The following EPB41L4A variants were observed in gnomAD, a reference collection of about 807,000 sequenced individuals.
EPB41L4A encodes the protein erythrocyte membrane protein band 4.1 like 4A.
Under a neutral mutation model 108.6 loss-of-function variants are expected in EPB41L4A, and 100 were observed. The ratio of observed to expected loss-of-function variants is 0.92; its 90% CI spans 0.78 to 1.09. The LOEUF (loss-of-function observed/expected upper bound fraction) is 1.09, where lower values mean the gene tolerates loss of function less well. EPB41L4A is among the 50% of genes least tolerant of loss of function. The pLI is 0.00. For synonymous variants in EPB41L4A, 319 were observed against 289.0 expected (o/e 1.10, Z -1.05); for missense variants, 1,030 against 842.7 (o/e 1.22, Z -2.75).
chr5:112,377,341 G>T (rs368947800), intron 1 of EPB41L4A, among the ~76,000 whole-genome samples: 22 of 152,126 alleles, frequency 1.4e-4, no homozygotes, highest in East Asian at 7.7e-4. Context: ...AGTTACCATT[G>T]AGGGAAACTG....
chr5:112,220,635 A>T (rs188216173), intron 12 of EPB41L4A, among the ~76,000 whole-genome samples: 3 of 152,186 alleles, frequency 2.0e-5, no homozygotes, highest in African/African-American at 7.2e-5. Flanking sequence ...TGCCCTCCCC[A>T]CCTGACTCAG....
At chr5:112,318,984 T>C (rs1427816247) in intron 1 of EPB41L4A, among the ~76,000 whole-genome samples, 1 of 152,164 alleles carries the variant, frequency 6.6e-6, no homozygotes, top group Non-Finnish European at 1.5e-5. Context: ...CCCCAGGTAT[T>C]GTCACATTAG....
chr5:112,222,352 C>T (rs1269963942), intron 12 of EPB41L4A, among the ~76,000 whole-genome samples: 3 of 152,132 alleles, frequency 2.0e-5, no homozygotes, highest in African/African-American at 7.2e-5. Flanking sequence ...CCTGGCTTTG[C>T]GCTTACTGCC....
intron 1 of EPB41L4A, among the ~76,000 whole-genome samples, chr5:112,364,433 G>T (rs907297630): frequency 6.6e-6 from 1 of 152,064 alleles, no homozygotes; most frequent in African/African-American, 2.4e-5. Context: ...TGGAATTGCT[G>T]TGAGTATTAA....
chr5:112,174,233 C>CATCTG (rs1760748966), intron 18 of EPB41L4A, among the ~76,000 whole-genome samples: 1 of 152,222 alleles, frequency 6.6e-6, no homozygotes, highest in Non-Finnish European at 1.5e-5. Flanking sequence ...TTTATGCTTA[C>CATCTG]ATCTGCACAC....
chr5:112,389,693 A>C (rs931028279), intron 1 of EPB41L4A, among the ~76,000 whole-genome samples: 7 of 152,096 alleles, frequency 4.6e-5, no homozygotes, highest in African/African-American at 1.7e-4. Flanking sequence ...CCTCTGCCCC[A>C]CTCATTGGAA....
intron 8 of EPB41L4A, 34 bp from the exon 9 acceptor site, chr5:112,259,326 T>C: frequency 6.3e-7 from 1 of 1,583,718 alleles, no homozygotes; most frequent in Non-Finnish European, 8.7e-7. Context: ...TGCTGCTGTT[T>C]TTAAGTATTA....
At chr5:112,257,038 CCAG>C (rs1751147684) in intron 9 of EPB41L4A, 1 of 152,132 alleles carries the variant, frequency 6.6e-6, no homozygotes, top group South Asian at 2.1e-4. Flanking sequence ...GACCAGCAAA[CCAG>C]CAGAATAAGC....
intron 17 of EPB41L4A, among the ~76,000 whole-genome samples, chr5:112,187,708 T>A (rs1000582841): frequency 1.3e-5 from 2 of 152,216 alleles, no homozygotes; most frequent in Non-Finnish European, 2.9e-5. Context: ...TTTTATTGTG[T>A]CCTCTCCCTT....
At chr5:112,289,011 A>G (rs1753472873) in intron 2 of EPB41L4A, among the ~76,000 whole-genome samples, 1 of 152,138 alleles carries the variant, frequency 6.6e-6, no homozygotes, top group South Asian at 2.1e-4. Flanking sequence ...AAAAGAATAT[A>G]AATAATTTTT....
chr5:112,263,237 C>T (rs902816587), intron 6 of EPB41L4A, among the ~76,000 whole-genome samples: 3 of 151,930 alleles, frequency 2.0e-5, no homozygotes, highest in Non-Finnish European at 2.9e-5. Flanking sequence ...CATGTGCAAG[C>T]GAGTGTGTGT....
chr5:112,402,237 T>C (rs1436851493), intron 1 of EPB41L4A, among the ~76,000 whole-genome samples: 1 of 152,178 alleles, frequency 6.6e-6, no homozygotes, highest in Non-Finnish European at 1.5e-5. Flanking sequence ...CCATGTAGAA[T>C]GTGTCTGCTT....
chr5:112,404,963 T>C (rs939280578), intron 1 of EPB41L4A, among the ~76,000 whole-genome samples: 6 of 152,160 alleles, frequency 3.9e-5, no homozygotes, highest in African/African-American at 1.4e-4. Flanking sequence ...CTTCTCCAAA[T>C]CTAAAATCCA....
At chr5:112,401,550 T>C (rs1231409976) in intron 1 of EPB41L4A, among the ~76,000 whole-genome samples, 1 of 152,248 alleles carries the variant, frequency 6.6e-6, no homozygotes, top group Non-Finnish European at 1.5e-5. Flanking sequence ...GGATTGCATA[T>C]GCTTTATTCT....
At chr5:112,411,849 G>T (rs998340415) in intron 1 of EPB41L4A, among the ~76,000 whole-genome samples, 1 of 152,164 alleles carries the variant, frequency 6.6e-6, no homozygotes, top group East Asian at 1.9e-4. Context: ...GGCAGCAGAG[G>T]TTCCAAGCCT....
At chr5:112,170,212 G>T in intron 20 of EPB41L4A, 89 bp downstream of exon 20, 1 of 1,289,560 alleles carries the variant, frequency 7.8e-7, no homozygotes, top group Non-Finnish European at 1.1e-6. Context: ...ACAAATTAAA[G>T]CACTGTCTGG....
intron 12 of EPB41L4A, among the ~76,000 whole-genome samples, chr5:112,214,201 G>A (rs1747441898): frequency 6.6e-6 from 1 of 152,088 alleles, no homozygotes; most frequent in Non-Finnish European, 1.5e-5. Flanking sequence ...TCCCACTAAT[G>A]GGCTTATGTC....
rs368711723 is a variant in EPB41L4A at position 112,176,997 on chromosome 5, G to A, written c.1623-6005C>T. Reference sequence around the variant, plus strand: ...CTTGAACTCCTGAACTCAGGTGATCGGCCTGCCTTGGCCTCCCAAAGTGCT... The same window carrying A: ...CTTGAACTCCTGAACTCAGGTGATCAGCCTGCCTTGGCCTCCCAAAGTGCT... On this transcript the variant is annotated intron_variant, in intron 18 of 22. Transcript: ENST00000261486. Among the ~76,000 whole-genome samples the A allele has an allele frequency of 3.3e-4, 50 of 151,882 alleles. 4 individuals carry two copies. Among genetic ancestry groups the A allele is most frequent in the African/African-American group, 5.3e-4 (22 of 41,464 alleles).
At position 112,168,659 on chromosome 5, in the gene EPB41L4A, A is replaced by G. The variant is rs867657799; in HGVS notation, c.1932+80T>C. ...GTTTCATTGCCTGCCCTACCTCCCTAAAGGAACTTTCCAAAGCACAAAATG... is the reference window on the plus strand; with the variant it reads ...GTTTCATTGCCTGCCCTACCTCCCTGAAGGAACTTTCCAAAGCACAAAATG... On this transcript the variant is annotated intron_variant, in intron 22 of 22. Transcript: ENST00000261486. 8 of 1,122,370 alleles carry G rather than the reference A, an allele frequency of 7.1e-6. No homozygotes were observed. The Middle Eastern group carries it at 1.6e-3, about 221-fold the overall frequency. 69.5% of individuals were successfully genotyped at this position (1,122,370 alleles called of 1,614,324 possible).
Sources: allele counts gnomAD v4.1 joint callset (sites outside exome capture counted in the v4.1 genomes callset), GRCh38; gene constraint gnomAD v4.1.1; transcripts MANE v1.5; gene names NCBI Gene and HGNC (gene_info 2026-07-23, HGNC 2026-07-21).